The following TECPR2 variants were observed in gnomAD, a reference collection of about 807,000 sequenced individuals.
TECPR2 encodes the protein tectonin beta-propeller repeat containing 2, also known as tectonin beta-propeller repeat-containing protein 2.
A neutral mutation model predicts 138.1 loss-of-function variants in TECPR2; 65 were observed. The observed-to-expected ratio is 0.47, with a 90% CI of 0.39 to 0.58. The LOEUF is 0.58. Among genes scored for constraint, TECPR2 ranks in the 20% least tolerant of loss-of-function variants. The pLI is 0.00. For missense variants in TECPR2, 1,553 were observed against 1,824.5 expected (o/e 0.85, Z 2.71); for synonymous variants, 746 against 749.8 (o/e 0.99, Z 0.08).
chr14:102,460,920 C>T (rs574146430), intron 16 of TECPR2, among the ~76,000 whole-genome samples: 1 of 152,016 alleles, frequency 6.6e-6, no homozygotes, highest in Non-Finnish European at 1.5e-5. Context: ...TGGTCTCGAT[C>T]TCCTGATCTT....
chr14:102,475,754 C>T (rs1445442959), intron 17 of TECPR2, among the ~76,000 whole-genome samples: 2 of 152,124 alleles, frequency 1.3e-5, no homozygotes, highest in South Asian at 2.1e-4. Flanking sequence ...CAGGAAAATA[C>T]GACCTGCAAT....
chr14:102,428,465 C>G, intron 7 of TECPR2, 83 bp downstream of exon 7: 8 of 1,576,636 alleles, frequency 5.1e-6, no homozygotes, highest in Non-Finnish European at 6.9e-6. Context: ...AATAATTGAT[C>G]AAACTTACCA....
intron 17 of TECPR2, among the ~76,000 whole-genome samples, chr14:102,493,455 G>A (rs1280219513): frequency 6.6e-6 from 1 of 152,204 alleles, no homozygotes. Context: ...CCCTGGAATG[G>A]GGGCTTAGCC....
At chr14:102,382,248 G>A (rs1447806770) in intron 2 of TECPR2, among the ~76,000 whole-genome samples, 5 of 151,590 alleles carry the variant, frequency 3.3e-5, no homozygotes, top group African/African-American at 7.3e-5. Flanking sequence ...AGCCAAGATC[G>A]CGCCATTGCA....
At chr14:102,489,107 C>G (rs143512080) in intron 17 of TECPR2, among the ~76,000 whole-genome samples, 4,334 of 151,794 alleles carry the variant, frequency 0.029, 82 homozygotes, top group Middle Eastern at 0.092. Flanking sequence ...GTCTCAAACT[C>G]CTAACCTCAA....
In TECPR2 at chr14:102,452,555, G is replaced by T; in HGVS notation, c.3568G>T (p.Val1190Leu). 4 of 1,610,890 alleles carry T rather than the reference G, an allele frequency of 2.5e-6. No homozygotes were observed. Among genetic ancestry groups the T allele is most frequent in the Non-Finnish European group, 3.4e-6 (4 of 1,179,088 alleles). Residue 1190 changes from valine (V) to leucine (L), a missense_variant, in exon 16 of 20, where the codon GTG becomes TTG. Val to Leu is a conservative substitution (Grantham distance 32). Transcript: ENST00000359520. ...ALWALDSLGQ[V>L]FIRTLSKSCP... Reference sequence around the variant, plus strand: ...GTGGGCGCTGGACAGCCTCGGCCAGGTGTTCATCAGGACGCTCTCCAAGAG... The same window carrying T: ...GTGGGCGCTGGACAGCCTCGGCCAGTTGTTCATCAGGACGCTCTCCAAGAG...
chr14:102,432,567 G>T (rs1889532721), intron 8 of TECPR2, among the ~76,000 whole-genome samples: 2 of 151,990 alleles, frequency 1.3e-5, no homozygotes, highest in African/African-American at 4.8e-5. Context: ...AGCGAATTTT[G>T]TATTTTTAGT....
At chr14:102,493,816 C>T (rs1006456596) in intron 17 of TECPR2, among the ~76,000 whole-genome samples, 24 of 152,196 alleles carry the variant, frequency 1.6e-4, no homozygotes, top group Admixed American at 5.2e-4. Context: ...TGGATCTCAC[C>T]GGTGCATCTG....
chr14:102,380,111 C>T (rs1887760850), intron 2 of TECPR2, among the ~76,000 whole-genome samples: 1 of 149,574 alleles, frequency 6.7e-6, no homozygotes, highest in South Asian at 2.1e-4. Flanking sequence ...CTGAAGATCA[C>T]CATCTTAAAA....
chr14:102,444,627 A>G (rs1330103659), intron 12 of TECPR2, among the ~76,000 whole-genome samples: 2 of 152,096 alleles, frequency 1.3e-5, no homozygotes, highest in African/African-American at 2.4e-5. Context: ...CTAGATTAGG[A>G]TATTCTTGGT....
intron 1 of TECPR2, among the ~76,000 whole-genome samples, chr14:102,368,612 GT>G (rs547989402): frequency 0.012 from 1,658 of 140,950 alleles, 13 homozygotes; most frequent in African/African-American, 0.025. Flanking sequence ...CATTTTGTGG[GT>G]TTTTTTTTTT....
chr14:102,497,836 G>A (rs1009743258), intron 19 of TECPR2, 117 bp downstream of exon 19: 9 of 1,344,892 alleles, frequency 6.7e-6, no homozygotes, highest in Non-Finnish European at 7.9e-6. Flanking sequence ...CTCAAAGCAA[G>A]AACTGAGGGC....
At chr14:102,460,998 AT>A (rs888278508) in intron 16 of TECPR2, among the ~76,000 whole-genome samples, 82 of 147,414 alleles carry the variant, frequency 5.6e-4, no homozygotes, top group Admixed American at 4.8e-4. Context: ...CCCAGCCTCA[AT>A]TTTTTTTTTT....
chr14:102,458,515 C>T (rs553637452), intron 16 of TECPR2, among the ~76,000 whole-genome samples: 100 of 152,262 alleles, frequency 6.6e-4, no homozygotes, highest in Non-Finnish European at 1.2e-3. Context: ...CCTGCTGTTC[C>T]GAGGCCTCGT....
At chr14:102,407,698 C>G (rs1012410731) in intron 3 of TECPR2, among the ~76,000 whole-genome samples, 4 of 152,074 alleles carry the variant, frequency 2.6e-5, no homozygotes, top group African/African-American at 9.6e-5. Flanking sequence ...CCCATCTCTA[C>G]TAAAAATACA....
At position 102,419,321 on chromosome 14, in the gene TECPR2, C is replaced by T. The variant is rs187320818; in HGVS notation, c.638+4528C>T. 1.4e-4 allele frequency among the ~76,000 whole-genome samples: 22 copies of T among 152,070 alleles called. No homozygotes were observed. Among genetic ancestry groups the T allele is most frequent in the South Asian group, 4.2e-4 (2 of 4,808 alleles). ...GAAGGGCTGAAAGAGGAGTTGACGGCGAGTATGGAGAGCTTTTAGGAGGAG... is the reference window on the plus strand; with the variant it reads ...GAAGGGCTGAAAGAGGAGTTGACGGTGAGTATGGAGAGCTTTTAGGAGGAG... On this transcript the variant is annotated intron_variant, in intron 5 of 19. Transcript: ENST00000359520. This position sits in a 1 kb window ranked among gnomAD's most constrained non-coding sequence, Gnocchi z 4.8.
At chr14:102,487,564 T>C (rs939068877) in intron 17 of TECPR2, among the ~76,000 whole-genome samples, 1 of 152,144 alleles carries the variant, frequency 6.6e-6, no homozygotes, top group Non-Finnish European at 1.5e-5. Flanking sequence ...TTTTTTGAGA[T>C]GGAGTCTCGC....
At chr14:102,446,682 T>TCC (rs1889988597) in intron 13 of TECPR2, among the ~76,000 whole-genome samples, 1 of 152,038 alleles carries the variant, frequency 6.6e-6, no homozygotes, top group Non-Finnish European at 1.5e-5. Context: ...GAGCCACCAC[T>TCC]CCCAGCCAAT....
At chr14:102,423,028 C>G (rs905061933) in intron 5 of TECPR2, among the ~76,000 whole-genome samples, 2 of 152,128 alleles carry the variant, frequency 1.3e-5, no homozygotes, top group Admixed American at 1.3e-4. Flanking sequence ...TTACAGGTGC[C>G]TACAGTGTTA....
Sources: gnomAD v4.1 joint callset for allele counts (sites outside exome capture counted in the v4.1 genomes callset) on GRCh38, gnomAD v4.1.1 for gene constraint, Gnocchi (gnomAD v3.1) non-coding constraint, MANE v1.5 for transcripts, NCBI Gene and HGNC (gene_info 2026-07-23, HGNC 2026-07-21) for gene names.